Variants in ADORA2B observed in about 807,000 individuals in gnomAD.
The protein encoded by ADORA2B is adenosine receptor A2b.
ADORA2B carries 18 observed loss-of-function variants against 20.8 expected under a neutral mutation model. The observed-to-expected ratio is 0.87, with a 90% CI of 0.60 to 1.29. The LOEUF (loss-of-function observed/expected upper bound fraction) is 1.29. ADORA2B is among the 50% of genes most tolerant of loss of function. The pLI, the probability that ADORA2B is intolerant of heterozygous loss-of-function variation, is 0.00. For synonymous variants in ADORA2B, 179 were observed against 178.3 expected (o/e 1.00, Z -0.03); for missense variants, 441 against 422.7 (o/e 1.04, Z -0.38).
the ADORA2B span, among the ~76,000 whole-genome samples, chr17:15,880,723 C>G: frequency 3.9e-5 from 6 of 152,182 alleles, no homozygotes; most frequent in Non-Finnish European, 8.8e-5. Flanking sequence ...GATGCCTAGT[C>G]ACCAGCACGC....
Position 15,945,203 on chromosome 17 carries a change from C to G in ADORA2B, c.-46C>G, listed in dbSNP as rs1387118288. 1 of 1,374,768 alleles carries G rather than the reference C, an allele frequency of 7.3e-7. No individual in the cohort carries two copies. The highest frequency in any genetic ancestry group is 3.0e-5 in the East Asian group (1 of 33,412). The allele number at this position is 1,374,768 out of a possible 1,614,324, so 85.2% of individuals were successfully genotyped here. On this transcript the variant is annotated 5_prime_UTR_variant, in exon 1 of 2. Transcript: ENST00000304222. The stretch of plus-strand genomic sequence containing the variant: ...GGGTCTCACGCGGCTGCCCCTCGCC[C>G]GGCGCGCCTTCGGTAGGGGGCGCCC...
chr17:15,899,838 CT>C, the ADORA2B span, among the ~76,000 whole-genome samples: 160 of 143,632 alleles, frequency 1.1e-3, no homozygotes, highest in Non-Finnish European at 1.0e-3. Context: ...TTCTTTTTTT[CT>C]TTTTTTTTTT....
chr17:15,869,639 G>A, the ADORA2B span, among the ~76,000 whole-genome samples: 6 of 152,158 alleles, frequency 3.9e-5, no homozygotes, highest in Admixed American at 2.6e-4. Flanking sequence ...GGATGACAGC[G>A]TCAGGAATGG....
the ADORA2B span, among the ~76,000 whole-genome samples, chr17:15,899,495 C>T: frequency 6.6e-6 from 1 of 152,168 alleles, no homozygotes; most frequent in Admixed American, 6.5e-5. Context: ...AGGTTTGTTA[C>T]ATGGGTATAT....
chr17:15,956,442 C>G, intron 1 of ADORA2B, among the ~76,000 whole-genome samples: 1 of 152,116 alleles, frequency 6.6e-6, no homozygotes, highest in Non-Finnish European at 1.5e-5. Flanking sequence ...TAGACTGGAG[C>G]CTCTCATCCT....
the ADORA2B span, among the ~76,000 whole-genome samples, chr17:15,878,163 T>TTGTGTGTGTGTGTGTG: frequency 1.7e-5 from 2 of 119,620 alleles, no homozygotes; most frequent in African/African-American, 5.5e-5. Flanking sequence ...CAGATATCCT[T>TTGTGTGTGTGTGTGTG]TGTGTGTGTG....
chr17:15,905,441 C>T, the ADORA2B span, among the ~76,000 whole-genome samples: 2 of 152,062 alleles, frequency 1.3e-5, no homozygotes, highest in African/African-American at 2.4e-5. Flanking sequence ...AGTGCAGTGG[C>T]GCAATCCTGA....
chr17:15,956,684 C>T lies in ADORA2B; in HGVS notation c.335+11101C>T, dbSNP rs148722363. 4.3e-3 allele frequency among the ~76,000 whole-genome samples: 633 copies of T among 146,580 alleles called. 8 individuals are homozygous for T. The highest frequency in any genetic ancestry group is 0.015 in the African/African-American group (593 of 39,866). The stretch of plus-strand genomic sequence containing the variant: ...AGTCTTGGCTCACTGCAACCTCTGC[C>T]TCCTGGGTTCAAGCGATTCTCTTGC... On this transcript the variant is annotated intron_variant, in intron 1 of 1. Transcript: ENST00000304222.
the ADORA2B span, among the ~76,000 whole-genome samples, chr17:15,882,836 G>C: frequency 2.0e-5 from 3 of 152,160 alleles, no homozygotes; most frequent in African/African-American, 7.2e-5. Context: ...GTTTGTCTCA[G>C]GTTTGACTCA....
the ADORA2B span, among the ~76,000 whole-genome samples, chr17:15,924,555 C>A: frequency 6.6e-6 from 1 of 151,880 alleles, no homozygotes; most frequent in African/African-American, 2.4e-5. Context: ...CATGGTGAAA[C>A]CCTGTCTCTA....
chr17:15,967,397 T>G (rs2151606913), intron 1 of ADORA2B, among the ~76,000 whole-genome samples: 1 of 152,278 alleles, frequency 6.6e-6, no homozygotes, highest in South Asian at 2.1e-4. Flanking sequence ...CACACTCGGC[T>G]AATTTTTGTA....
At chr17:15,917,543 C>T in the ADORA2B span, among the ~76,000 whole-genome samples, 1 of 152,248 alleles carries the variant, frequency 6.6e-6, no homozygotes, top group Non-Finnish European at 1.5e-5. Flanking sequence ...GACCCCTTCC[C>T]CCTGCCCAGC....
intron 1 of ADORA2B, among the ~76,000 whole-genome samples, chr17:15,967,847 A>T (rs1970140550): frequency 6.6e-6 from 1 of 152,054 alleles, no homozygotes; most frequent in African/African-American, 2.4e-5. Context: ...TTCTCCATTG[A>T]ATAGACATGA....
chr17:15,916,185 C>T, the ADORA2B span, among the ~76,000 whole-genome samples: 3 of 152,090 alleles, frequency 2.0e-5, no homozygotes, highest in East Asian at 1.9e-4. Context: ...CAGTGGTAAG[C>T]GGGATGAGCT....
the ADORA2B span, among the ~76,000 whole-genome samples, chr17:15,905,667 C>A: frequency 1.3e-5 from 2 of 150,404 alleles, no homozygotes; most frequent in African/African-American, 4.9e-5. Flanking sequence ...CAGCTGGTTT[C>A]TTTTTTAAGA....
the ADORA2B span, among the ~76,000 whole-genome samples, chr17:15,894,783 C>T: frequency 6.6e-6 from 1 of 152,108 alleles, no homozygotes. Flanking sequence ...TGTTTAAAAG[C>T]TCTGTTTTGA....
chr17:15,894,821 T>C, the ADORA2B span, among the ~76,000 whole-genome samples: 1 of 152,072 alleles, frequency 6.6e-6, no homozygotes, highest in Admixed American at 6.5e-5. Flanking sequence ...TTAAATAAAG[T>C]CCAAAGAATG....
At chr17:15,871,386 C>T in the ADORA2B span, among the ~76,000 whole-genome samples, 1 of 152,196 alleles carries the variant, frequency 6.6e-6, no homozygotes, top group Non-Finnish European at 1.5e-5. Flanking sequence ...AAATACAAAG[C>T]CCAGATGCTA....
chr17:15,953,114 A>G (rs1031658373), intron 1 of ADORA2B, among the ~76,000 whole-genome samples: 2 of 152,234 alleles, frequency 1.3e-5, no homozygotes, highest in African/African-American at 4.8e-5. Flanking sequence ...CAGAGCTGGG[A>G]GTGCAGGGTG....
Sources: gnomAD v4.1 joint callset for allele counts (sites outside exome capture counted in the v4.1 genomes callset) on GRCh38, gnomAD v4.1.1 for gene constraint, MANE v1.5 for transcripts, NCBI Gene and HGNC (gene_info 2026-07-23, HGNC 2026-07-21) for gene names.